PSKH1: variants seen among roughly 807,000 people sequenced by gnomAD.
PSKH1 encodes the protein protein serine kinase H1, also known as serine/threonine-protein kinase H1.
In PSKH1, 12 loss-of-function variants were observed where a neutral mutation model predicts 26.7. The observed-to-expected ratio is 0.45, with a 90% CI of 0.29 to 0.73. The LOEUF is 0.73. Ranked by LOEUF, PSKH1 falls within the 30% of genes least tolerant of loss-of-function variation. PSKH1 has a pLI of 0.11. For synonymous variants in PSKH1, 213 were observed against 234.3 expected, an observed-to-expected ratio of 0.91 and a Z score of 0.83; for missense variants, 431 against 595.2, an observed-to-expected ratio of 0.72 and a Z score of 2.87.
At chr16:67,916,272 C>T (rs1018554832) in intron 2 of PSKH1, among the ~76,000 whole-genome samples, 1 of 152,176 alleles carries the variant, frequency 6.6e-6, no homozygotes, top group Admixed American at 6.5e-5. Flanking sequence ...CAGCGAGTGT[C>T]TCGTGGTGCT....
intron 2 of PSKH1, among the ~76,000 whole-genome samples, chr16:67,914,257 C>A (rs2058180753): frequency 2.0e-5 from 3 of 151,814 alleles, no homozygotes; most frequent in Admixed American, 1.3e-4. Context: ...TCAAGCGATT[C>A]TCCTGCCTCG....
intron 1 of PSKH1, among the ~76,000 whole-genome samples, chr16:67,907,962 C>T (rs913258508): frequency 6.6e-6 from 1 of 152,068 alleles, no homozygotes; most frequent in Non-Finnish European, 1.5e-5. Flanking sequence ...CTTCACACCC[C>T]CATTTCAGAA....
intron 2 of PSKH1, among the ~76,000 whole-genome samples, chr16:67,926,079 G>A (rs887877818): frequency 3.3e-5 from 5 of 152,136 alleles, no homozygotes; most frequent in Non-Finnish European, 7.4e-5. Flanking sequence ...GGGTGGAACA[G>A]GCAGACCTCA....
chr16:67,913,109 C>T (rs1401589732), intron 2 of PSKH1, among the ~76,000 whole-genome samples: 1 of 152,092 alleles, frequency 6.6e-6, no homozygotes, highest in Non-Finnish European at 1.5e-5. Flanking sequence ...CACTTGAGCC[C>T]AGGAGTTCAA....
intron 1 of PSKH1, among the ~76,000 whole-genome samples, chr16:67,894,778 C>G (rs1294711303): frequency 6.6e-6 from 1 of 151,834 alleles, no homozygotes; most frequent in African/African-American, 2.4e-5. Flanking sequence ...TTTTGAGCAC[C>G]TATCAGGGCT....
chr16:67,904,601 A>G (rs577702810), intron 1 of PSKH1, among the ~76,000 whole-genome samples: 2 of 152,042 alleles, frequency 1.3e-5, no homozygotes, highest in South Asian at 4.2e-4. Flanking sequence ...CAGCCTCCCA[A>G]AGTGCTAGGA....
At chr16:67,916,192 A>G (rs2058187415) in intron 2 of PSKH1, among the ~76,000 whole-genome samples, 1 of 152,178 alleles carries the variant, frequency 6.6e-6, no homozygotes, top group Non-Finnish European at 1.5e-5. Context: ...GTGTTCCATG[A>G]TGAGGGGGTT....
intron 1 of PSKH1, among the ~76,000 whole-genome samples, chr16:67,904,491 A>G (rs1449808768): frequency 6.6e-6 from 1 of 151,864 alleles, no homozygotes; most frequent in Non-Finnish European, 1.5e-5. Flanking sequence ...GGCATGAGCC[A>G]CCGCGCCCCG....
chr16:67,920,421 C>T (rs781559054), intron 2 of PSKH1, among the ~76,000 whole-genome samples: 9 of 152,100 alleles, frequency 5.9e-5, no homozygotes, highest in Non-Finnish European at 1.3e-4. Context: ...GCCACCACAC[C>T]GGGCTAATTT....
At chr16:67,910,095 T>TTTTTG (rs1555498638) in intron 2 of PSKH1, 1 of 418,410 alleles carries the variant, frequency 2.4e-6, no homozygotes, top group African/African-American at 2.0e-5. Flanking sequence ...CGTGAGTTTC[T>TTTTTG]TTTTGTTTTG....
At chr16:67,902,881 G>T (rs1195780231) in intron 1 of PSKH1, among the ~76,000 whole-genome samples, 2 of 152,120 alleles carry the variant, frequency 1.3e-5, no homozygotes, top group African/African-American at 4.8e-5. Context: ...ACCAGCCCAA[G>T]AGGAGCTTCA....
At position 67,927,435 on chromosome 16, in the gene PSKH1, G is replaced by A. The variant is rs1331970659; in HGVS notation, c.1068G>A (p.Val356=). The change falls in exon 3 of 3, where the codon GTG becomes GTA. Residue 356 remains valine (V), a synonymous_variant. Transcript: ENST00000291041. This position sits in a 1 kb window ranked among gnomAD's most constrained non-coding sequence, Gnocchi z 5.5. The stretch of plus-strand genomic sequence containing the variant: ...AGGCCCTGAGGCACCCGTGGGTGGT[G>A]AGCATGGCTGCCTCTTCATCCATGA... The part of the protein sequence containing the change: ...ALQALRHPWV[V]SMAASSSMKN... 3 of 1,614,184 alleles carry A rather than the reference G, an allele frequency of 1.9e-6. No individual in the cohort carries two copies. Among genetic ancestry groups the A allele is most frequent in the East Asian group, 2.2e-5 (1 of 44,884 alleles).
chr16:67,914,032 G>T (rs563017571), intron 2 of PSKH1, among the ~76,000 whole-genome samples: 3 of 152,332 alleles, frequency 2.0e-5, no homozygotes, highest in Non-Finnish European at 4.4e-5. Context: ...GGGGGCAATG[G>T]CCTGAGGGAC....
chr16:67,909,016 G>A lies in PSKH1; in HGVS notation c.267G>A (p.Lys89=), dbSNP rs1451646170. Residue 89 remains lysine (K), a synonymous_variant, in exon 2 of 3, where the codon AAG becomes AAA. Coordinates refer to ENST00000291041, the MANE Select transcript of PSKH1 (RefSeq NM_006742.3). This position sits in a 1 kb window ranked among gnomAD's most constrained non-coding sequence, Gnocchi z 7.8. ...CCAGGGTAGCTAAGTACAGGGCCAA[G>A]TTTGACCCACGTGTTACAGCTAAGT... ...RRARVAKYRA[K]FDPRVTAKYD... is the part of the protein sequence containing the mutation. 4.3e-6 allele frequency: 7 copies of A among 1,614,190 alleles called. No homozygotes were observed. Among genetic ancestry groups the A allele is most frequent in the Non-Finnish European group, 5.9e-6 (7 of 1,180,034 alleles).
rs117439428 is a variant in PSKH1 at position 67,894,553 on chromosome 16, C to G, written c.-71+1182C>G. ...CTTACATCTGTCCTATAAAATCCAC[C>G]TGAGATGTCACTTCCTAGGAAAAAA... On this transcript the variant is annotated intron_variant, in intron 1 of 2. Transcript: ENST00000291041. 4.0e-3 allele frequency among the ~76,000 whole-genome samples: 614 copies of G among 152,310 alleles called. 3 individuals carry two copies. Among genetic ancestry groups the G allele is most frequent in the Non-Finnish European group, 6.9e-3 (471 of 68,020 alleles).
intron 1 of PSKH1, among the ~76,000 whole-genome samples, chr16:67,904,680 C>T (rs1240499968): frequency 1.3e-5 from 2 of 151,964 alleles, no homozygotes; most frequent in African/African-American, 4.8e-5. Flanking sequence ...CAGGGTCTCA[C>T]TGTGTTGTCC....
intron 2 of PSKH1, among the ~76,000 whole-genome samples, chr16:67,910,253 C>T (rs1277286185): frequency 6.6e-6 from 1 of 152,260 alleles, no homozygotes; most frequent in Non-Finnish European, 1.5e-5. Context: ...CAGGCACTGG[C>T]GGTGGGAAGC....
chr16:67,921,306 GT>G (rs1337027174), intron 2 of PSKH1, among the ~76,000 whole-genome samples: 2 of 151,614 alleles, frequency 1.3e-5, no homozygotes, highest in Non-Finnish European at 2.9e-5. Context: ...GCCAGGTGCT[GT>G]GGCTCACGCC....
At chr16:67,911,946 C>A (rs569577447) in intron 2 of PSKH1, among the ~76,000 whole-genome samples, 1 of 152,198 alleles carries the variant, frequency 6.6e-6, no homozygotes. Context: ...TCTGTTTGTA[C>A]CACTCTTAGG....
Sources: gnomAD v4.1 joint callset for allele counts (sites outside exome capture counted in the v4.1 genomes callset) on GRCh38, gnomAD v4.1.1 for gene constraint, Gnocchi (gnomAD v3.1) non-coding constraint, MANE v1.5 for transcripts, NCBI Gene and HGNC (gene_info 2026-07-23, HGNC 2026-07-21) for gene names.